ADAM10: variants seen among roughly 807,000 people sequenced by gnomAD.
The protein encoded by ADAM10 is disintegrin and metalloproteinase domain-containing protein 10.
ADAM10 carries 17 observed loss-of-function variants against 90.1 expected under a neutral mutation model. The ratio of observed to expected loss-of-function variants is 0.19; its 90% confidence interval spans 0.13 to 0.28. The LOEUF is 0.28. ADAM10 is among the 10% of genes least tolerant of loss of function. ADAM10 has a pLI of 1.00. For synonymous variants in ADAM10, 310 were observed against 298.6 expected (o/e 1.04, Z -0.40); for missense variants, 610 against 914.3 (o/e 0.67, Z 4.29).
In ADAM10 at chr15:58,749,520, T is replaced by G; in HGVS notation, c.15A>C (p.Arg5Ser). Residue 5 changes from arginine to serine, a missense_variant, in exon 1 of 16, where the codon AGA (arginine) becomes AGC (serine). Transcript: ENST00000260408. MVLL[R>S]VLILLLSWAA... ...CCCAGGAGAGGAGCAGAATTAACAC[T>G]CTCAGCAACACCATCTTCCGCTGCC... The G allele has an allele frequency of 1.3e-6, 2 of 1,553,656 alleles. No individual in the cohort carries two copies. The highest frequency in any genetic ancestry group is 1.7e-6 in the Non-Finnish European group (2 of 1,148,294).
chr15:58,614,658 T>C (rs1895550356), intron 11 of ADAM10, among the ~76,000 whole-genome samples: 1 of 152,048 alleles, frequency 6.6e-6, no homozygotes, highest in Non-Finnish European at 1.5e-5. Context: ...CCTTCAGAAA[T>C]GAGGGACAAA....
At position 58,660,162 on chromosome 15, in the gene ADAM10, A is replaced by T. The variant is rs139165616; in HGVS notation, c.585+4935T>A. ...TCCATCATTTTATGACCCAAATCCA[A>T]AACAATTAGCTATTTTCTTTTCTTT... On this transcript the variant is annotated intron_variant, in intron 5 of 15. Transcript: ENST00000260408. Among the ~76,000 whole-genome samples, 427 of 152,134 alleles carry T rather than the reference A, an allele frequency of 2.8e-3. 2 individuals carry two copies. Among genetic ancestry groups the T allele is most frequent in the African/African-American group, 9.9e-3 (410 of 41,520 alleles).
intron 1 of ADAM10, among the ~76,000 whole-genome samples, chr15:58,728,844 G>T (rs1427252344): frequency 6.6e-6 from 1 of 152,192 alleles, no homozygotes; most frequent in African/African-American, 2.4e-5. Context: ...AGCCTGTAAT[G>T]ATTCAATATT....
chr15:58,693,840 G>A (rs1897897392), intron 2 of ADAM10, among the ~76,000 whole-genome samples: 2 of 147,800 alleles, frequency 1.4e-5, no homozygotes, highest in South Asian at 4.2e-4. Flanking sequence ...ACTTATATTC[G>A]GAATATCTTT....
chr15:58,737,440 G>A (rs933514174), intron 1 of ADAM10, among the ~76,000 whole-genome samples: 7 of 152,024 alleles, frequency 4.6e-5, no homozygotes, highest in Non-Finnish European at 8.8e-5. Context: ...CCTAAATTAC[G>A]CTTTAAGGGT....
intron 2 of ADAM10, among the ~76,000 whole-genome samples, chr15:58,694,439 A>C (rs1897917715): frequency 6.6e-6 from 1 of 151,988 alleles, no homozygotes; most frequent in Non-Finnish European, 1.5e-5. Context: ...AAACAGAACA[A>C]CACTCCCTTT....
intron 1 of ADAM10, among the ~76,000 whole-genome samples, chr15:58,743,663 GGT>G (rs1899687661): frequency 6.6e-6 from 1 of 151,356 alleles, no homozygotes; most frequent in African/African-American, 2.4e-5. Context: ...AGAGTGCAGT[GGT>G]GCGATCTCAG....
chr15:58,722,323 G>GAAGAGCAAAACTCTGTCACAAA (rs1320160400), intron 1 of ADAM10, among the ~76,000 whole-genome samples: 2 of 151,752 alleles, frequency 1.3e-5, no homozygotes, highest in Non-Finnish European at 2.9e-5. Flanking sequence ...GCCTGGGCAA[G>GAAGAGCAAAACTCTGTCACAAA]AAGAGCAAAA....
At chr15:58,611,652 G>A (rs1373318727) in intron 12 of ADAM10, 156 bp downstream of exon 12, 1 of 684,964 alleles carries the variant, frequency 1.5e-6, no homozygotes, top group Non-Finnish European at 2.4e-6. Context: ...GTAGCTAATT[G>A]AATGCCACAT....
At chr15:58,601,224 G>A (rs569226415) in intron 14 of ADAM10, among the ~76,000 whole-genome samples, 3 of 152,246 alleles carry the variant, frequency 2.0e-5, no homozygotes, top group Non-Finnish European at 4.4e-5. Flanking sequence ...CACTTTGGGA[G>A]GCCGGGGCGG....
At chr15:58,676,121 G>A (rs746067192) in intron 4 of ADAM10, 1 of 312,070 alleles carries the variant, frequency 3.2e-6, no homozygotes, top group Non-Finnish European at 6.3e-6. Flanking sequence ...AGATGCAAAT[G>A]TATGATTTTA....
chr15:58,735,898 A>G (rs753099267), intron 1 of ADAM10, among the ~76,000 whole-genome samples: 1 of 152,208 alleles, frequency 6.6e-6, no homozygotes, highest in Non-Finnish European at 1.5e-5. Flanking sequence ...ATACTTACAA[A>G]AGGCATTTTC....
chr15:58,646,716 A>AT (rs1457094516), intron 5 of ADAM10, among the ~76,000 whole-genome samples: 2 of 152,374 alleles, frequency 1.3e-5, no homozygotes, highest in South Asian at 2.1e-4. Context: ...CAAAACGCAA[A>AT]TTTGAATATG....
Position 58,593,863 on chromosome 15 carries a change from T to G in ADAM10, c.*3684A>C, listed in dbSNP as rs551700027. 1 of 152,240 alleles carries G rather than the reference T, an allele frequency of 6.6e-6. No homozygotes were observed. The highest frequency in any genetic ancestry group is 1.9e-4 in the East Asian group (1 of 5,190). 9.4% of individuals were successfully genotyped at this position (152,240 alleles called of 1,614,324 possible). The stretch of plus-strand genomic sequence containing the variant: ...ATATATCTAAGACACACAAACAATA[T>G]AGTAATATAAAACAGAAGGGCTAAA... On this transcript the variant is annotated 3_prime_UTR_variant, in exon 16 of 16. Transcript: ENST00000260408.
chr15:58,655,808 C>T (rs748015945), intron 5 of ADAM10, among the ~76,000 whole-genome samples: 3 of 133,886 alleles, frequency 2.2e-5, no homozygotes, highest in Non-Finnish European at 3.1e-5. Flanking sequence ...GTGCAGTGGC[C>T]GGATCTCAGC....
intron 8 of ADAM10, among the ~76,000 whole-genome samples, chr15:58,637,938 T>A (rs555768130): frequency 2.0e-4 from 30 of 148,456 alleles, no homozygotes; most frequent in East Asian, 1.8e-3. Context: ...TTCCTTGTTT[T>A]AAAAAAAAAA....
intron 2 of ADAM10, 31 bp from the exon 3 acceptor site, chr15:58,682,345 T>A (rs1897464866): frequency 6.2e-7 from 1 of 1,601,036 alleles, no homozygotes. Context: ...GGGGAACAAC[T>A]GAAATTAAAA....
intron 2 of ADAM10, among the ~76,000 whole-genome samples, chr15:58,695,401 C>A (rs939650983): frequency 1.3e-5 from 2 of 152,188 alleles, no homozygotes; most frequent in South Asian, 4.1e-4. Context: ...ATAGGAAATT[C>A]TAGGCCATAT....
intron 1 of ADAM10, among the ~76,000 whole-genome samples, chr15:58,745,676 C>T (rs1350241120): frequency 6.6e-6 from 1 of 152,012 alleles, no homozygotes; most frequent in Non-Finnish European, 1.5e-5. Flanking sequence ...AAAGTTGGAG[C>T]CATCTATACA....
Sources: gnomAD v4.1 joint callset for allele counts (sites outside exome capture counted in the v4.1 genomes callset) on GRCh38, gnomAD v4.1.1 for gene constraint, MANE v1.5 for transcripts, NCBI Gene and HGNC (gene_info 2026-07-23, HGNC 2026-07-21) for gene names.